Variants in PLCE1 observed in about 807,000 individuals in gnomAD.
The protein encoded by PLCE1 is phospholipase C epsilon 1, also known as 1-phosphatidylinositol 4,5-bisphosphate phosphodiesterase epsilon-1.
A neutral mutation model predicts 242.8 loss-of-function variants in PLCE1; 119 were observed. That is an observed-to-expected ratio of 0.49 (90% CI 0.42 to 0.57). The LOEUF is 0.57. Among genes scored for constraint, PLCE1 ranks in the 20% least tolerant of loss-of-function variants. PLCE1 has a pLI of 0.00. For synonymous variants in PLCE1, 945 were observed against 1,017.4 expected, an observed-to-expected ratio of 0.93 and a Z score of 1.35; for missense variants, 2,441 against 2,788.8, an observed-to-expected ratio of 0.88 and a Z score of 2.81.
intron 3 of PLCE1, among the ~76,000 whole-genome samples, chr10:94,142,669 C>G (rs962680184): frequency 3.9e-5 from 6 of 152,244 alleles, no homozygotes; most frequent in Non-Finnish European, 8.8e-5. Flanking sequence ...CCACCACCAT[C>G]TTGAAATGCC....
intron 2 of PLCE1, among the ~76,000 whole-genome samples, chr10:94,092,557 A>C (rs11187786): frequency 6.6e-6 from 1 of 151,598 alleles, no homozygotes; most frequent in Non-Finnish European, 1.5e-5. Context: ...AAAGCCCAGT[A>C]AAAAAGTTCA....
chr10:94,287,511 A>G (rs1227199303), intron 22 of PLCE1: 2 of 151,726 alleles, frequency 1.3e-5, no homozygotes, highest in Non-Finnish European at 2.9e-5. Context: ...GCACTCAACA[A>G]TCATGTGGTA....
At chr10:94,074,850 G>C (rs2044456920) in intron 2 of PLCE1, among the ~76,000 whole-genome samples, 1 of 152,122 alleles carries the variant, frequency 6.6e-6, no homozygotes, top group Admixed American at 6.5e-5. Context: ...CCAGGGCTTA[G>C]TATTGATTTT....
chr10:94,114,284 G>A (rs2046048182), intron 2 of PLCE1, among the ~76,000 whole-genome samples: 1 of 152,196 alleles, frequency 6.6e-6, no homozygotes, highest in African/African-American at 2.4e-5. Context: ...AGCAAATTGG[G>A]CTCCCCAGCT....
At chr10:94,254,137 A>C in intron 9 of PLCE1, 53 bp from the exon 10 acceptor site, 1 of 1,271,594 alleles carries the variant, frequency 7.9e-7, no homozygotes, top group South Asian at 1.2e-5. Context: ...GAACTAAAGC[A>C]GTGATGGGAG....
intron 2 of PLCE1, among the ~76,000 whole-genome samples, chr10:94,077,694 G>A (rs1327547621): frequency 6.6e-6 from 1 of 152,150 alleles, no homozygotes; most frequent in African/African-American, 2.4e-5. Context: ...CTTGAGCCCA[G>A]GAGTCAAGGC....
chr10:94,050,709 A>G (rs921476678), intron 2 of PLCE1, among the ~76,000 whole-genome samples: 1 of 152,180 alleles, frequency 6.6e-6, no homozygotes, highest in Non-Finnish European at 1.5e-5. Context: ...AAAAATTTAA[A>G]AGAAAACAAA....
At chr10:94,171,555 A>T in intron 4 of PLCE1, 59 bp downstream of exon 4, 2 of 1,305,954 alleles carry the variant, frequency 1.5e-6, no homozygotes, top group South Asian at 1.2e-5. Flanking sequence ...ATTTTCAAGC[A>T]TACCTCCCCT....
rs200570410 is a variant in PLCE1 at position 94,284,965 on chromosome 10, G to C, written c.5035G>C (p.Gly1679Arg). 20 of 1,495,474 alleles carry C rather than the reference G, an allele frequency of 1.3e-5. No individual in the cohort carries two copies. 92.6% of individuals were successfully genotyped at this position (1,495,474 alleles called of 1,614,324 possible). Residue 1679 changes from glycine (G) to arginine (R), a missense_variant and splice_region_variant, in exon 22 of 33, where the codon GGA becomes CGA. Physicochemically the swap from Gly to Arg is moderately radical, Grantham distance 125. Around this residue, in one of 5 missense-constraint regions of PLCE1, gnomAD observed 1,004 missense variants for 1,322.7 expected, o/e 0.76. Transcript: ENST00000371380. ...VIYCQAVKFP[G>R]LSTLNASGSS... Reference sequence around the variant, plus strand: ...CTATTGTCAAGCAGTAAAATTTCCAGGTAAGATTAGGCAATATCATCTATA... The same window carrying C: ...CTATTGTCAAGCAGTAAAATTTCCACGTAAGATTAGGCAATATCATCTATA...
chr10:94,037,253 A>G (rs2061682310), intron 2 of PLCE1, among the ~76,000 whole-genome samples: 1 of 152,112 alleles, frequency 6.6e-6, no homozygotes, highest in Admixed American at 6.6e-5. Flanking sequence ...GTCTCTTTCA[A>G]ATTGAAGAGA....
rs757315158 is a variant in PLCE1 at position 94,254,934 on chromosome 10, A to G, written c.3439A>G (p.Arg1147Gly). 5.0e-6 allele frequency: 8 copies of G among 1,613,984 alleles called. No homozygotes were observed. The East Asian group carries it at 1.8e-4, about 36-fold the overall frequency. ...IANPPNPLPS[R>G]RAHSLTTAGS... ...TAACCCTCCAAACCCCCTCCCTTCC[A>G]GAAGAGCCCACTCTTTGACCACAGC... The change falls in exon 11 of 33, where the codon AGA (arginine) becomes GGA (glycine). Residue 1147 changes from arginine (R) to glycine (G), a missense_variant. This residue lies in a region of PLCE1 where 1,004 missense variants were observed against 1,322.7 expected (regional missense o/e 0.76). Coordinates refer to ENST00000371380, the MANE Select transcript of PLCE1 (RefSeq NM_016341.4).
chr10:94,229,959 A>G (rs1289523173), intron 5 of PLCE1, among the ~76,000 whole-genome samples: 3 of 152,248 alleles, frequency 2.0e-5, no homozygotes, highest in Admixed American at 2.0e-4. Flanking sequence ...TGCAATGATT[A>G]TGGAGGCAGA....
chr10:94,290,693 A>C (rs2052615007), intron 22 of PLCE1, among the ~76,000 whole-genome samples: 1 of 151,810 alleles, frequency 6.6e-6, no homozygotes, highest in Non-Finnish European at 1.5e-5. Flanking sequence ...TGTAACTTAA[A>C]AAAAAGTATA....
At chr10:94,101,237 G>T (rs1383644040) in intron 2 of PLCE1, among the ~76,000 whole-genome samples, 3 of 152,156 alleles carry the variant, frequency 2.0e-5, no homozygotes, top group African/African-American at 7.2e-5. Flanking sequence ...TCACCCCTCG[G>T]GGCTTCGGTG....
At chr10:94,131,153 G>A (rs1433123246) in intron 2 of PLCE1, among the ~76,000 whole-genome samples, 1 of 152,230 alleles carries the variant, frequency 6.6e-6, no homozygotes, top group Non-Finnish European at 1.5e-5. Flanking sequence ...GCATGATAGA[G>A]ACAGCACCTT....
chr10:94,257,827 G>A lies in PLCE1; in HGVS notation c.3555-973G>A, dbSNP rs568258389. Among the ~76,000 whole-genome samples, 335 of 152,240 alleles carry A rather than the reference G, an allele frequency of 2.2e-3. 1 individual carries two copies. The highest frequency in any genetic ancestry group is 3.9e-3 in the Non-Finnish European group (267 of 68,022). Reference sequence around the variant, plus strand: ...AGGAGATATACCTAATGTAAAGGACGAGTTAATGGGTGCAGCATACCAACA... The same window carrying A: ...AGGAGATATACCTAATGTAAAGGACAAGTTAATGGGTGCAGCATACCAACA... On this transcript the variant is annotated intron_variant, in intron 11 of 32. Coordinates refer to ENST00000371380, the MANE Select transcript of PLCE1 (RefSeq NM_016341.4).
intron 1 of PLCE1, among the ~76,000 whole-genome samples, chr10:94,017,153 A>T (rs910930675): frequency 5.3e-5 from 8 of 152,108 alleles, no homozygotes; most frequent in African/African-American, 1.9e-4. Flanking sequence ...CTGGGAGGGG[A>T]CAGGTCAGAG....
intron 29 of PLCE1, among the ~76,000 whole-genome samples, 189 bp from the exon 30 acceptor site, chr10:94,321,712 T>C (rs1299251912): frequency 2.0e-5 from 3 of 151,788 alleles, no homozygotes; most frequent in South Asian, 4.2e-4. Flanking sequence ...AGAAGCACAG[T>C]AGTTTCCTCC....
intron 2 of PLCE1, chr10:94,106,943 T>TCTCTCTCTCTCTCTCTCTCCCC (rs1222191133): frequency 1.6e-5 from 2 of 122,492 alleles, no homozygotes; most frequent in African/African-American, 3.3e-5. Context: ...TCTCTCTCTC[T>TCTCTCTCTCTCTCTCTCTCCCC]CCCCCTCCCC....
Sources: allele counts gnomAD v4.1 joint callset (sites outside exome capture counted in the v4.1 genomes callset), GRCh38; gene constraint gnomAD v4.1.1; regional missense constraint gnomAD v4.1.1; transcripts MANE v1.5; gene names NCBI Gene and HGNC (gene_info 2026-07-23, HGNC 2026-07-21).